ANKRD10: variants seen among roughly 807,000 people sequenced by gnomAD.
ANKRD10 encodes ankyrin repeat domain-containing protein 10.
In ANKRD10, 14 loss-of-function variants were observed where a neutral mutation model predicts 27.0. That is an observed-to-expected ratio of 0.52 (90% CI 0.34 to 0.81). The LOEUF (loss-of-function observed/expected upper bound fraction) is 0.81, where lower values mean the gene tolerates loss of function less well. ANKRD10 is among the 40% of genes least tolerant of loss of function. ANKRD10 has a pLI of 0.01. For synonymous variants in ANKRD10, 250 were observed against 224.5 expected (o/e 1.11, Z -1.01); for missense variants, 493 against 544.0 (o/e 0.91, Z 0.93).
chr13:110,890,367 A>G (rs989865161), intron 4 of ANKRD10, among the ~76,000 whole-genome samples: 1 of 152,160 alleles, frequency 6.6e-6, no homozygotes, highest in Non-Finnish European at 1.5e-5. Flanking sequence ...AAGGGGGGCA[A>G]AAAATCACCT....
intron 4 of ANKRD10, among the ~76,000 whole-genome samples, chr13:110,887,993 A>G (rs924969767): frequency 6.6e-6 from 1 of 152,188 alleles, no homozygotes; most frequent in African/African-American, 2.4e-5. Flanking sequence ...TGTAGAGCAC[A>G]TTTTACTCAA....
At chr13:110,887,830 C>T (rs1339350164) in intron 4 of ANKRD10, among the ~76,000 whole-genome samples, 2 of 152,188 alleles carry the variant, frequency 1.3e-5, no homozygotes, top group Admixed American at 1.3e-4. Flanking sequence ...GCCCAGGACC[C>T]CTCCCGCCTG....
intron 3 of ANKRD10, chr13:110,905,090 G>T (rs532382070): frequency 6.6e-6 from 1 of 150,956 alleles, no homozygotes; most frequent in South Asian, 2.1e-4. Context: ...GAATAATGTG[G>T]TTTATAATTA....
intron 4 of ANKRD10, among the ~76,000 whole-genome samples, chr13:110,887,517 A>G (rs892141316): frequency 4.6e-5 from 7 of 152,210 alleles, no homozygotes; most frequent in Non-Finnish European, 5.9e-5. Context: ...ATGCCTGATC[A>G]CAACTTTAAT....
intron 4 of ANKRD10, among the ~76,000 whole-genome samples, chr13:110,885,634 T>C (rs1387923033): frequency 6.6e-6 from 1 of 151,948 alleles, no homozygotes; most frequent in Admixed American, 6.6e-5. Flanking sequence ...TGTGCCAAAG[T>C]CGTCTCAACC....
intron 3 of ANKRD10, among the ~76,000 whole-genome samples, chr13:110,896,106 T>C (rs1191088494): frequency 6.6e-6 from 1 of 152,224 alleles, no homozygotes; most frequent in Non-Finnish European, 1.5e-5. Flanking sequence ...TTTGGGGCAC[T>C]AGAAGGCAGA....
intron 3 of ANKRD10, chr13:110,894,337 C>G: frequency 2.5e-6 from 1 of 402,466 alleles, no homozygotes; most frequent in Non-Finnish European, 4.6e-6. Context: ...AAATCAAGGC[C>G]TTGTGCTGTG....
chr13:110,898,847 C>G (rs2065304617), intron 3 of ANKRD10, among the ~76,000 whole-genome samples: 2 of 151,210 alleles, frequency 1.3e-5, no homozygotes, highest in Non-Finnish European at 2.9e-5. Context: ...CCTCTGCCTC[C>G]CAGGTTCAAG....
At chr13:110,908,752 A>C (rs1337115720) in intron 2 of ANKRD10, among the ~76,000 whole-genome samples, 1 of 152,180 alleles carries the variant, frequency 6.6e-6, no homozygotes, top group Admixed American at 6.5e-5. Flanking sequence ...AAATTCACCC[A>C]CTACATAATA....
chr13:110,895,742 G>T (rs535490816), intron 3 of ANKRD10, among the ~76,000 whole-genome samples: 1 of 152,272 alleles, frequency 6.6e-6, no homozygotes, highest in East Asian at 1.9e-4. Context: ...GGTTAGAACA[G>T]CAAGTTTACT....
chr13:110,893,482 A>G (rs916062827), intron 3 of ANKRD10, among the ~76,000 whole-genome samples: 2 of 152,256 alleles, frequency 1.3e-5, no homozygotes, highest in East Asian at 1.9e-4. Context: ...TAAATATGCT[A>G]AACTTCTAAA....
intron 4 of ANKRD10, among the ~76,000 whole-genome samples, chr13:110,889,487 G>A (rs2065020278): frequency 6.6e-6 from 1 of 151,250 alleles, no homozygotes; most frequent in Admixed American, 6.6e-5. Flanking sequence ...TTTTATGAAA[G>A]TATGACTTCT....
chr13:110,909,291 T>C (rs777666217), intron 2 of ANKRD10, among the ~76,000 whole-genome samples: 21 of 152,172 alleles, frequency 1.4e-4, no homozygotes, highest in Non-Finnish European at 2.6e-4. Flanking sequence ...GATAAAGAGA[T>C]TGAGCCACAA....
chr13:110,913,426 G>C (rs188740826), intron 1 of ANKRD10, among the ~76,000 whole-genome samples: 3 of 152,218 alleles, frequency 2.0e-5, no homozygotes, highest in Non-Finnish European at 2.9e-5. Context: ...TTCTCCAGCA[G>C]GTACTACGGT....
intron 4 of ANKRD10, among the ~76,000 whole-genome samples, chr13:110,888,993 CCT>C (rs2065006328): frequency 6.6e-6 from 1 of 151,964 alleles, no homozygotes; most frequent in Admixed American, 6.6e-5. Flanking sequence ...ACTGTGTTCC[CCT>C]GCTTCTTCCC....
intron 3 of ANKRD10, 92 bp from the exon 4 acceptor site, chr13:110,893,355 T>C (rs890979256): frequency 2.0e-5 from 25 of 1,236,994 alleles, no homozygotes; most frequent in Non-Finnish European, 2.7e-5. Flanking sequence ...GAAGGTGGTA[T>C]GAAAGAGTAA....
chr13:110,883,677 C>T (rs766301131), intron 5 of ANKRD10, 21 bp downstream of exon 5: 2 of 1,612,840 alleles, frequency 1.2e-6, no homozygotes, highest in Non-Finnish European at 1.7e-6. Flanking sequence ...TTGCAGCTAA[C>T]AGGAAACTGT....
At chr13:110,891,487 A>T (rs2065071832) in intron 4 of ANKRD10, among the ~76,000 whole-genome samples, 2 of 152,244 alleles carry the variant, frequency 1.3e-5, no homozygotes, top group Admixed American at 1.3e-4. Flanking sequence ...TGTTAAGTTC[A>T]TACATTACTA....
chr13:110,902,703 C>G (rs2065418713), intron 3 of ANKRD10, among the ~76,000 whole-genome samples: 1 of 152,208 alleles, frequency 6.6e-6, no homozygotes, highest in African/African-American at 2.4e-5. Context: ...CTCAAGAAAT[C>G]CTCTCCTGTA....
Sources: gnomAD v4.1 joint callset for allele counts (sites outside exome capture counted in the v4.1 genomes callset) on GRCh38, gnomAD v4.1.1 for gene constraint, MANE v1.5 for transcripts, NCBI Gene and HGNC (gene_info 2026-07-23, HGNC 2026-07-21) for gene names.